The following RUNX1 variants were observed in gnomAD, a reference collection of about 807,000 sequenced individuals.
RUNX1 encodes runt-related transcription factor 1.
A neutral mutation model predicts 42.8 loss-of-function variants in RUNX1; 19 were observed. The ratio of observed to expected loss-of-function variants is 0.44; its 90% CI spans 0.31 to 0.65. The LOEUF is 0.65. Ranked by LOEUF, RUNX1 falls within the 30% of genes least tolerant of loss-of-function variation. The probability of loss-of-function intolerance (pLI) is 0.07; values close to 1 mark genes in which losing one functional copy is unlikely to be tolerated. For missense variants in RUNX1, 528 were observed against 672.0 expected, an observed-to-expected ratio of 0.79 and a Z score of 2.37; for synonymous variants, 271 against 289.4, an observed-to-expected ratio of 0.94 and a Z score of 0.64.
At chr21:35,009,683 T>G (rs2059111543) in intron 2 of RUNX1, among the ~76,000 whole-genome samples, 1 of 152,216 alleles carries the variant, frequency 6.6e-6, no homozygotes, top group African/African-American at 2.4e-5. Context: ...GAGTTGGCCC[T>G]GCTCATTCCT....
At chr21:34,810,872 G>C (rs570101144) in intron 7 of RUNX1, among the ~76,000 whole-genome samples, 1 of 152,282 alleles carries the variant, frequency 6.6e-6, no homozygotes, top group African/African-American at 2.4e-5. Flanking sequence ...GAGAGGCTTG[G>C]TCTCACAAAG....
chr21:34,841,518 T>C (rs1436322131), intron 6 of RUNX1, among the ~76,000 whole-genome samples: 1 of 152,038 alleles, frequency 6.6e-6, no homozygotes, highest in East Asian at 1.9e-4. Context: ...GAAGTACAGG[T>C]CATGTCACCT....
Position 34,792,065 on chromosome 21 carries a change from A to G in RUNX1, c.*70T>C, listed in dbSNP as rs150481777. 7.7e-3 allele frequency: 7,899 copies of G among 1,029,712 alleles called. 318 individuals are homozygous for G. The African/African-American group carries it at 0.1, about 13-fold the overall frequency. 63.8% of individuals were successfully genotyped at this position (1,029,712 alleles called of 1,614,324 possible). A position where few individuals can be genotyped will look rare whatever the true frequency, so the allele number is the denominator to read the frequency against. ...CCGGGATCCCGGCGGGCTTGTCGCG[A>G]ACAGGAGGCCCGCGCGCCCGGAGGC... On this transcript the variant is annotated 3_prime_UTR_variant, in exon 9 of 9. Transcript: ENST00000675419. The surrounding 1 kb of genome is among the most constrained non-coding windows in gnomAD (Gnocchi z 6.9).
At chr21:34,881,282 C>G (rs2057901810) in intron 4 of RUNX1, among the ~76,000 whole-genome samples, 1 of 151,982 alleles carries the variant, frequency 6.6e-6, no homozygotes, top group Admixed American at 6.5e-5. Context: ...TAAAACAAAA[C>G]AAAAAAACAC....
At chr21:34,903,447 A>G (rs1029143442) in intron 2 of RUNX1, among the ~76,000 whole-genome samples, 30 of 152,194 alleles carry the variant, frequency 2.0e-4, no homozygotes, top group African/African-American at 7.2e-4. Flanking sequence ...TTATGATCCC[A>G]TATAGACTAT....
chr21:34,992,931 C>T (rs13051092), intron 2 of RUNX1, among the ~76,000 whole-genome samples: 48,006 of 152,024 alleles, frequency 0.32, 7,718 homozygotes, highest in East Asian at 0.39. Context: ...GCAGGCAGCC[C>T]GCCCAGGCCT....
At chr21:34,813,124 A>C (rs1195323448) in intron 7 of RUNX1, among the ~76,000 whole-genome samples, 1 of 152,120 alleles carries the variant, frequency 6.6e-6, no homozygotes, top group African/African-American at 2.4e-5. Flanking sequence ...ATTTCTGGCA[A>C]TGTCTGGAGA....
chr21:34,883,136 G>A (rs889737281), intron 4 of RUNX1, among the ~76,000 whole-genome samples: 4 of 152,010 alleles, frequency 2.6e-5, no homozygotes, highest in African/African-American at 4.8e-5. Context: ...GGAGACCTTC[G>A]CCAAGTCGAA....
At chr21:34,978,979 C>CACACACACACACAG (rs1024924107) in intron 2 of RUNX1, among the ~76,000 whole-genome samples, 1 of 151,572 alleles carries the variant, frequency 6.6e-6, no homozygotes, top group Non-Finnish European at 1.5e-5. Context: ...CACACACACA[C>CACACACACACACAG]AGCATCTTTG....
intron 2 of RUNX1, among the ~76,000 whole-genome samples, chr21:34,939,901 G>A (rs902316531): frequency 3.3e-5 from 5 of 151,758 alleles, no homozygotes; most frequent in Admixed American, 1.3e-4. Flanking sequence ...TTAGCCCAAC[G>A]ATTGCGCAAC....
rs192316903 is a variant in RUNX1, at chr21:34,958,299, T to C, written c.59-65336A>G. ...ATTCGTAAAATGAAACCAGCCCAGC[T>C]AGGCAAATGATTTTAAGTCCTTCCT... On this transcript the variant is annotated intron_variant, in intron 2 of 8. Transcript: ENST00000675419. Among the ~76,000 whole-genome samples the C allele has an allele frequency of 1.3e-4, 20 of 152,218 alleles. No homozygotes were observed. The East Asian group carries it at 3.9e-3, about 29-fold the overall frequency.
chr21:34,891,056 G>C (rs1349341619), intron 3 of RUNX1, among the ~76,000 whole-genome samples: 1 of 152,208 alleles, frequency 6.6e-6, no homozygotes, highest in East Asian at 1.9e-4. Flanking sequence ...CCCTCGGAAA[G>C]GTCCAGGGAG....
chr21:34,932,533 C>A (rs1380330446), intron 2 of RUNX1, among the ~76,000 whole-genome samples: 2 of 152,190 alleles, frequency 1.3e-5, no homozygotes, highest in African/African-American at 4.8e-5. Flanking sequence ...TGCCGGTGAT[C>A]TTTACCTATG....
chr21:34,868,791 C>T (rs1399384305), intron 5 of RUNX1, among the ~76,000 whole-genome samples: 4 of 152,174 alleles, frequency 2.6e-5, no homozygotes, highest in Non-Finnish European at 5.9e-5. Context: ...TTTGGCTGAC[C>T]GTCGTATTTC....
intron 5 of RUNX1, among the ~76,000 whole-genome samples, chr21:34,868,822 GCA>G (rs1212924162): frequency 2.6e-5 from 4 of 152,202 alleles, no homozygotes; most frequent in African/African-American, 4.8e-5. Flanking sequence ...CCAGTTCCTG[GCA>G]CACAGTAGGT....
rs111701550 is a variant in RUNX1, at chr21:34,851,594, T to TA, written c.613+7879_613+7880insT. Among the ~76,000 whole-genome samples, 1,034 of 152,308 alleles carry TA rather than the reference T, an allele frequency of 6.8e-3. 11 individuals are homozygous for TA. Among genetic ancestry groups the TA allele is most frequent in the African/African-American group, 0.024 (983 of 41,558 alleles). On this transcript the variant is annotated intron_variant, in intron 6 of 8. Coordinates refer to ENST00000675419, the MANE Select transcript of RUNX1 (RefSeq NM_001754.5). ...GAAGCCTAAATGCAGACAGGGTTTT[T>TA]TTTTTCTTATGGCATGTCATACAAT...
intron 2 of RUNX1, among the ~76,000 whole-genome samples, chr21:34,975,207 T>A (rs1034488894): frequency 1.3e-5 from 2 of 152,236 alleles, no homozygotes; most frequent in Non-Finnish European, 2.9e-5. Context: ...TAGACCTCAA[T>A]ACCTACAAAT....
At chr21:34,911,550 G>A (rs2058272509) in intron 2 of RUNX1, among the ~76,000 whole-genome samples, 1 of 152,160 alleles carries the variant, frequency 6.6e-6, no homozygotes. Context: ...GGCAGCGAAT[G>A]TCTCCTCCCC....
chr21:34,868,698 TC>T (rs2057697168), intron 5 of RUNX1, among the ~76,000 whole-genome samples: 1 of 152,226 alleles, frequency 6.6e-6, no homozygotes, highest in Admixed American at 6.5e-5. Context: ...GCCACACCCA[TC>T]TATCATGTGT....
Sources: gnomAD v4.1 joint callset for allele counts (sites outside exome capture counted in the v4.1 genomes callset) on GRCh38, gnomAD v4.1.1 for gene constraint, Gnocchi (gnomAD v3.1) non-coding constraint, MANE v1.5 for transcripts, NCBI Gene and HGNC (gene_info 2026-07-23, HGNC 2026-07-21) for gene names.